SLC49A3: variants seen among roughly 807,000 people sequenced by gnomAD.
The protein encoded by SLC49A3 is solute carrier family 49 member 3, also known as solute carrier family 49 member A3.
Under a neutral mutation model 43.8 loss-of-function variants are expected in SLC49A3, and 50 were observed. The ratio of observed to expected loss-of-function variants is 1.14; its 90% CI spans 0.91 to 1.45. The LOEUF (loss-of-function observed/expected upper bound fraction) is 1.45, where lower values mean the gene tolerates loss of function less well. Ranked by LOEUF, SLC49A3 falls within the 40% of genes most tolerant of loss-of-function variation. The pLI is 0.00. For missense variants in SLC49A3, 906 were observed against 774.1 expected, an observed-to-expected ratio of 1.17 and a Z score of -2.02; for synonymous variants, 413 against 352.0, an observed-to-expected ratio of 1.17 and a Z score of -1.94.
intron 7 of SLC49A3, 37 bp from the exon 8 acceptor site, chr4:683,404 G>A (rs771369766): frequency 2.4e-5 from 39 of 1,593,780 alleles, no homozygotes; most frequent in Non-Finnish European, 2.8e-5. Flanking sequence ...CAGGTGGAGG[G>A]GGTGGCAGTC....
intron 8 of SLC49A3, 132 bp downstream of exon 8, chr4:683,078 G>C (rs746196588): frequency 1.2e-5 from 15 of 1,291,042 alleles, no homozygotes; most frequent in Admixed American, 9.1e-5. Context: ...AACCTGCTCG[G>C]CCCTTGCCAG....
In SLC49A3 at chr4:682,157, C is replaced by T; in HGVS notation, c.1481G>A (p.Arg494Lys). The change falls in exon 10 of 10, where the codon AGG becomes AAG. Residue 494 changes from arginine (R) to lysine (K), a missense_variant. Coordinates refer to ENST00000322224, the MANE Select transcript of SLC49A3 (RefSeq NM_032219.4). Reference sequence around the variant, plus strand: ...TCTGGGGTCCTCTAGCGAGGCCCCCCTCGCCGTGCACTCCGGAGTCGCCGT... The same window carrying T: ...TCTGGGGTCCTCTAGCGAGGCCCCCTTCGCCGTGCACTCCGGAGTCGCCGT... Reference protein sequence around the residue: ...PSTATPECTARGASLEDPRGP... With the variant: ...PSTATPECTAKGASLEDPRGP... The T allele has an allele frequency of 7.5e-7, 1 of 1,341,570 alleles. No individual in the cohort carries two copies. The highest frequency in any genetic ancestry group is 9.7e-7 in the Non-Finnish European group (1 of 1,034,930). The allele number at this position is 1,341,570 out of a possible 1,614,324, so 83.1% of individuals were successfully genotyped here.
downstream of SLC49A3, among the ~76,000 whole-genome samples, chr4:677,253 C>A (rs1047729649): frequency 6.6e-6 from 1 of 152,190 alleles, no homozygotes; most frequent in Non-Finnish European, 1.5e-5. Flanking sequence ...CCCCTTGAAC[C>A]AGGGCATCTG....
chr4:681,771 G>A (rs1358162458), downstream of SLC49A3: 2 of 1,144,302 alleles, frequency 1.7e-6, no homozygotes, highest in East Asian at 7.7e-5. Flanking sequence ...CCCTCACCCC[G>A]CACCCGGGCC....
chr4:680,978 G>C, downstream of SLC49A3: 1 of 1,179,706 alleles, frequency 8.5e-7, no homozygotes, highest in Non-Finnish European at 1.2e-6. Context: ...CCAGCGGGAA[G>C]GGCGGGAGTG....
rs1741549443 is a variant in SLC49A3 at position 688,802 on chromosome 4, T to G, written c.135+191A>C. 6.7e-6 allele frequency: 6 copies of G among 894,612 alleles called. No individual in the cohort carries two copies. In the Admixed American group the frequency reaches 2.0e-4, roughly 30 times the overall value. 55.4% of individuals were successfully genotyped at this position (894,612 alleles called of 1,614,324 possible). ...TCCCCCGGGGCACCCAGCCCTGCTCTGTGCCCTGGGCCCAGCCACCTCCAG... is the reference window on the plus strand; with the variant it reads ...TCCCCCGGGGCACCCAGCCCTGCTCGGTGCCCTGGGCCCAGCCACCTCCAG... On this transcript the variant is annotated intron_variant, in intron 1 of 9. Coordinates refer to ENST00000322224, the MANE Select transcript of SLC49A3 (RefSeq NM_032219.4).
chr4:679,766 A>G, downstream of SLC49A3: 1 of 651,902 alleles, frequency 1.5e-6, no homozygotes. Flanking sequence ...AGATGCACCC[A>G]CTGCCCCACG....
At chr4:683,913 G>A (rs1373631189) in intron 6 of SLC49A3, 152 bp from the exon 7 acceptor site, 13 of 1,050,870 alleles carry the variant, frequency 1.2e-5, no homozygotes, top group South Asian at 5.3e-5. Context: ...GGCTGCCTGC[G>A]GGGTAGGGTT....
Position 686,663 on chromosome 4 carries a change from C to G in SLC49A3, c.163G>C (p.Asp55His). 1 of 1,613,130 alleles carries G rather than the reference C, an allele frequency of 6.2e-7. No individual in the cohort carries two copies. Among genetic ancestry groups the G allele is most frequent in the Admixed American group, 1.7e-5 (1 of 60,010 alleles). The change falls in exon 2 of 10, where the codon GAC (aspartate) becomes CAC (histidine). Residue 55 changes from aspartate (D) to histidine (H), a missense_variant. Transcript: ENST00000322224. Reference protein sequence around the residue: ...TLWLSFAPVADVIAEDLVLSM... With the variant: ...TLWLSFAPVAHVIAEDLVLSM... ...AGGACCAAGTCCTCAGCAATGACGT[C>G]AGCCACAGGTGCAAAGCTGAGCCAC... is the stretch of plus-strand genomic sequence containing the variant.
chr4:684,106 T>G (rs569040654), intron 6 of SLC49A3, among the ~76,000 whole-genome samples: 4 of 152,192 alleles, frequency 2.6e-5, no homozygotes, highest in Non-Finnish European at 5.9e-5. Context: ...CTCGGAGATA[T>G]GCGAGCAGAG....
At chr4:677,134 C>T (rs1158693216), downstream of SLC49A3, among the ~76,000 whole-genome samples, 1 of 152,218 alleles carries the variant, frequency 6.6e-6, no homozygotes, top group Admixed American at 6.5e-5. Context: ...GGTCCTGTTA[C>T]CTACTGCGTC....
At chr4:681,821 G>A (rs1236012863), downstream of SLC49A3, 6 of 1,258,348 alleles carry the variant, frequency 4.8e-6, no homozygotes, top group Middle Eastern at 3.0e-4. Flanking sequence ...AACCACACCC[G>A]GGGCCGCTGC....
chr4:681,280 G>A, downstream of SLC49A3: 1 of 988,632 alleles, frequency 1.0e-6, no homozygotes. Context: ...GGGGGCTCCC[G>A]AAGTGCCCGT....
At chr4:678,993 C>A (rs1390686748), downstream of SLC49A3, 9 of 1,613,710 alleles carry the variant, frequency 5.6e-6, no homozygotes, top group East Asian at 1.8e-4. Context: ...GAGATGGCTT[C>A]ATTGACAAGG....
chr4:678,878 G>C, downstream of SLC49A3: 1 of 1,606,432 alleles, frequency 6.2e-7, no homozygotes, highest in Non-Finnish European at 8.5e-7. Flanking sequence ...CTCAGTCAGG[G>C]GTGCTGAGGA....
At chr4:682,528 G>A (rs888554883) in intron 9 of SLC49A3, 152 bp from the exon 10 acceptor site, 21 of 869,916 alleles carry the variant, frequency 2.4e-5, no homozygotes, top group African/African-American at 1.2e-4. Context: ...GCCCTGAGGG[G>A]GTGTTTGCAG....
At chr4:679,627 T>A (rs1440109043), downstream of SLC49A3, among the ~76,000 whole-genome samples, 3 of 152,170 alleles carry the variant, frequency 2.0e-5, no homozygotes, top group Admixed American at 6.5e-5. Context: ...CACCTTCCTC[T>A]CGGCCCTGCT....
chr4:677,034 G>T, downstream of SLC49A3: 2 of 596,786 alleles, frequency 3.4e-6, no homozygotes, highest in Non-Finnish European at 4.2e-6. Flanking sequence ...TTGCAGACAC[G>T]GTGGCGCCCC....
downstream of SLC49A3, among the ~76,000 whole-genome samples, chr4:677,565 CT>C (rs1738973083): frequency 6.6e-6 from 1 of 152,226 alleles, no homozygotes; most frequent in African/African-American, 2.4e-5. Context: ...GTGGACACCC[CT>C]GACAGACAGA....
Sources: gnomAD v4.1 joint callset for allele counts (sites outside exome capture counted in the v4.1 genomes callset) on GRCh38, gnomAD v4.1.1 for gene constraint, MANE v1.5 for transcripts, NCBI Gene and HGNC (gene_info 2026-07-23, HGNC 2026-07-21) for gene names.